Variants in GPHN observed in about 807,000 individuals in gnomAD.
GPHN encodes gephyrin.
Under a neutral mutation model 95.5 loss-of-function variants are expected in GPHN, and 17 were observed. The ratio of observed to expected loss-of-function variants is 0.18; its 90% CI spans 0.12 to 0.27. The LOEUF (loss-of-function observed/expected upper bound fraction) is 0.27. Among genes scored for constraint, GPHN ranks in the 10% least tolerant of loss-of-function variants. GPHN has a pLI of 1.00. For missense variants in GPHN, 660 were observed against 978.1 expected, an observed-to-expected ratio of 0.67 and a Z score of 4.34; for synonymous variants, 320 against 322.5, an observed-to-expected ratio of 0.99 and a Z score of 0.08.
At chr14:67,172,793 A>G (rs2140106970) in intron 21 of GPHN, among the ~76,000 whole-genome samples, 1 of 152,246 alleles carries the variant, frequency 6.6e-6, no homozygotes, top group Admixed American at 6.5e-5. Flanking sequence ...GTGCTCCACC[A>G]GTCTGGATTA....
At chr14:66,695,685 T>A (rs2068060993) in intron 2 of GPHN, among the ~76,000 whole-genome samples, 1 of 152,108 alleles carries the variant, frequency 6.6e-6, no homozygotes, top group Non-Finnish European at 1.5e-5. Context: ...CAAAAAGAAA[T>A]GAGCTATCAA....
At position 66,794,844 on chromosome 14, in the gene GPHN, T is replaced by C. The variant is rs537247010; in HGVS notation, c.201+18323T>C. 2.6e-5 allele frequency among the ~76,000 whole-genome samples: 4 copies of C among 152,338 alleles called. No homozygotes were observed. The East Asian group carries it at 7.7e-4, about 29-fold the overall frequency. ...TCTTGTGGTTTTCAGACATTTTACA[T>C]TTTTATTAATTTTATCAATTTTTCA... On this transcript the variant is annotated intron_variant, in intron 3 of 22. Transcript: ENST00000478722.
intron 19 of GPHN, among the ~76,000 whole-genome samples, chr14:67,161,062 C>G (rs1260610182): frequency 6.6e-6 from 1 of 152,108 alleles, no homozygotes; most frequent in East Asian, 1.9e-4. Context: ...GATGCTGAAG[C>G]AGGCAGGTTG....
At chr14:67,365,095 CT>C in the GPHN span, 33 of 1,353,160 alleles carry the variant, frequency 2.4e-5, no homozygotes, top group African/African-American at 3.3e-4. Flanking sequence ...CAAGCTGCAG[CT>C]TAAAAAAAAA....
intron 9 of GPHN, among the ~76,000 whole-genome samples, chr14:66,981,706 CACAA>C (rs2153598780): frequency 6.6e-6 from 1 of 152,220 alleles, no homozygotes; most frequent in South Asian, 2.1e-4. Flanking sequence ...AACTCCTTAG[CACAA>C]ACAAACAGAA....
chr14:67,722,441 G>T, the GPHN span: 1 of 650,586 alleles, frequency 1.5e-6, no homozygotes. Flanking sequence ...TCTCCCAGCA[G>T]GCTGTGCTCT....
At chr14:66,975,364 A>G (rs1465030275) in intron 9 of GPHN, among the ~76,000 whole-genome samples, 1 of 152,210 alleles carries the variant, frequency 6.6e-6, no homozygotes. Flanking sequence ...TAAGATTTCT[A>G]TATTTTACAT....
At chr14:67,574,454 G>T in the GPHN span, 1 of 1,401,706 alleles carries the variant, frequency 7.1e-7, no homozygotes, top group South Asian at 1.6e-5. This position sits in a 1 kb window ranked among gnomAD's most constrained non-coding sequence, Gnocchi z 4.2. Flanking sequence ...GCGAATCAGG[G>T]GAGCCAGGAT....
At chr14:67,615,934 AG>A in the GPHN span, 1 of 519,332 alleles carries the variant, frequency 1.9e-6, no homozygotes, top group Non-Finnish European at 3.6e-6. Flanking sequence ...GCAAAGCTGA[AG>A]GAAAAATACA....
chr14:66,929,436 T>C (rs2066662142), intron 8 of GPHN, among the ~76,000 whole-genome samples: 1 of 152,168 alleles, frequency 6.6e-6, no homozygotes. Context: ...TATTAGGGTC[T>C]GTCTCTCTCT....
rs142500189 is a variant in GPHN, at chr14:66,737,812, A to G, written c.144-38652A>G. Among the ~76,000 whole-genome samples, 21 of 152,322 alleles carry G rather than the reference A, an allele frequency of 1.4e-4. No homozygotes were observed. In the East Asian group the frequency reaches 3.9e-3, roughly 28 times the overall value. ...ATAAGTCTTTAAAAATGTGTATTAT[A>G]TTCACACTTTTTAGATGTGGTATGC... On this transcript the variant is annotated intron_variant, in intron 2 of 22. Transcript: ENST00000478722.
the GPHN span, chr14:67,574,208 G>T: frequency 6.5e-6 from 10 of 1,543,034 alleles, no homozygotes; most frequent in African/African-American, 1.4e-4. This position sits in a 1 kb window ranked among gnomAD's most constrained non-coding sequence, Gnocchi z 4.2. Context: ...TTCTCCCAGC[G>T]TGCTGCCCCA....
At chr14:67,612,055 C>CT in the GPHN span, among the ~76,000 whole-genome samples, 8 of 152,324 alleles carry the variant, frequency 5.3e-5, no homozygotes, top group East Asian at 1.5e-3. Flanking sequence ...CTAGGACAAT[C>CT]TAATGCCACT....
chr14:67,678,313 A>C, the GPHN span: 10 of 1,578,834 alleles, frequency 6.3e-6, no homozygotes, highest in East Asian at 2.0e-4. Flanking sequence ...TCCAACTGGC[A>C]CTGCCTGTTA....
the GPHN span, among the ~76,000 whole-genome samples, chr14:67,318,721 T>G: frequency 6.6e-6 from 1 of 152,222 alleles, no homozygotes; most frequent in African/African-American, 2.4e-5. Flanking sequence ...CTATATGATG[T>G]TGTTCTCACA....
chr14:67,510,247 A>C, the GPHN span, among the ~76,000 whole-genome samples: 1 of 152,244 alleles, frequency 6.6e-6, no homozygotes, highest in African/African-American at 2.4e-5. Flanking sequence ...TGATCACTGA[A>C]GCCAGCTGAA....
chr14:66,564,514 T>G (rs1010659254), intron 1 of GPHN, among the ~76,000 whole-genome samples: 2 of 152,188 alleles, frequency 1.3e-5, no homozygotes, highest in South Asian at 4.1e-4. Context: ...TTTATTTAAG[T>G]AGGGCCTGAG....
intron 18 of GPHN, among the ~76,000 whole-genome samples, chr14:67,147,026 CTG>C (rs1263371413): frequency 1.3e-5 from 2 of 152,124 alleles, no homozygotes; most frequent in Admixed American, 6.6e-5. Flanking sequence ...GAGGAAGACT[CTG>C]TCTCAAAAAA....
At chr14:66,902,796 T>C (rs367644010) in intron 5 of GPHN, among the ~76,000 whole-genome samples, 183 of 152,234 alleles carry the variant, frequency 1.2e-3, no homozygotes, top group African/African-American at 4.0e-3. Context: ...TTTGTATTCA[T>C]TGGGGAGGGT....
Sources: gnomAD v4.1 joint callset for allele counts (sites outside exome capture counted in the v4.1 genomes callset) on GRCh38, gnomAD v4.1.1 for gene constraint, Gnocchi (gnomAD v3.1) non-coding constraint, MANE v1.5 for transcripts, NCBI Gene and HGNC (gene_info 2026-07-23, HGNC 2026-07-21) for gene names.